The following NAALADL2 variants were observed in gnomAD, a reference collection of about 807,000 sequenced individuals.
The protein encoded by NAALADL2 is inactive N-acetylated-alpha-linked acidic dipeptidase-like protein 2.
Under a neutral mutation model 87.2 loss-of-function variants are expected in NAALADL2, and 76 were observed. That is an observed-to-expected ratio of 0.87 (90% CI 0.72 to 1.05). The LOEUF is 1.05. Ranked by LOEUF, NAALADL2 falls within the 50% of genes least tolerant of loss-of-function variation. The pLI, the probability that NAALADL2 is intolerant of heterozygous loss-of-function variation, is 0.00. For missense variants in NAALADL2, 1,089 were observed against 945.8 expected (o/e 1.15, Z -1.99); for synonymous variants, 354 against 331.0 (o/e 1.07, Z -0.75).
rs141359862 is a variant in NAALADL2 at position 175,464,328 on chromosome 3, A to G, written c.1327+835A>G. Among the ~76,000 whole-genome samples, 109 of 151,852 alleles carry G rather than the reference A, an allele frequency of 7.2e-4. 4 individuals are homozygous for G. The highest frequency in any genetic ancestry group is 1.8e-3 in the African/African-American group (74 of 41,428). On this transcript the variant is annotated intron_variant, in intron 7 of 13. Transcript: ENST00000454872. Reference sequence around the variant, plus strand: ...ACCTGCAGCTACTCAGGAGGCTGAGACAGGAGAATCGCTTGAATCTGGGAG... The same window carrying G: ...ACCTGCAGCTACTCAGGAGGCTGAGGCAGGAGAATCGCTTGAATCTGGGAG...
intron 2 of NAALADL2, among the ~76,000 whole-genome samples, chr3:174,647,332 C>T (rs1723895611): frequency 6.6e-6 from 1 of 152,118 alleles, no homozygotes; most frequent in Non-Finnish European, 1.5e-5. Context: ...GTTATAAAAT[C>T]AGATGCCTGC....
intron 1 of NAALADL2, among the ~76,000 whole-genome samples, chr3:174,468,129 T>C (rs1482999446): frequency 6.6e-6 from 1 of 152,154 alleles, no homozygotes; most frequent in Non-Finnish European, 1.5e-5. Context: ...GATTAACTTA[T>C]CAGGTAGGCG....
At chr3:175,728,763 C>A (rs1199591925) in intron 11 of NAALADL2, among the ~76,000 whole-genome samples, 1 of 152,116 alleles carries the variant, frequency 6.6e-6, no homozygotes, top group Non-Finnish European at 1.5e-5. Context: ...GTGGAGCAGA[C>A]TCCCTGCAGA....
At chr3:175,442,884 G>T (rs760213065) in intron 5 of NAALADL2, among the ~76,000 whole-genome samples, 1 of 152,122 alleles carries the variant, frequency 6.6e-6, no homozygotes, top group African/African-American at 2.4e-5. Context: ...AGTCTTTTTT[G>T]TATGGTATCC....
At chr3:175,052,429 A>G (rs892712601) in intron 1 of NAALADL2, among the ~76,000 whole-genome samples, 7 of 152,322 alleles carry the variant, frequency 4.6e-5, no homozygotes, top group African/African-American at 1.7e-4. Flanking sequence ...TTGCAAAGTG[A>G]TAAAAGCAAA....
intron 2 of NAALADL2, among the ~76,000 whole-genome samples, chr3:175,121,804 C>A (rs1389265087): frequency 6.6e-6 from 1 of 151,796 alleles, no homozygotes; most frequent in Non-Finnish European, 1.5e-5. Flanking sequence ...GTTTGGTTGA[C>A]TTTTTGATGT....
chr3:175,450,424 C>A (rs886835876), intron 6 of NAALADL2, among the ~76,000 whole-genome samples: 1 of 152,124 alleles, frequency 6.6e-6, no homozygotes, highest in Non-Finnish European at 1.5e-5. Flanking sequence ...TGGAAATGGG[C>A]ACATTAAGAA....
At chr3:174,539,507 A>T (rs999790763) in intron 1 of NAALADL2, among the ~76,000 whole-genome samples, 7 of 152,106 alleles carry the variant, frequency 4.6e-5, no homozygotes, top group African/African-American at 1.7e-4. Flanking sequence ...GCCTTTGTTA[A>T]GTTCTTCATT....
chr3:175,005,362 CT>C (rs1236792726), intron 1 of NAALADL2, among the ~76,000 whole-genome samples: 2 of 152,138 alleles, frequency 1.3e-5, no homozygotes, highest in African/African-American at 4.8e-5. Context: ...TATTTCACCC[CT>C]ATGCTGGTTT....
chr3:174,901,030 A>C (rs184968960), intron 1 of NAALADL2, among the ~76,000 whole-genome samples: 1 of 152,320 alleles, frequency 6.6e-6, no homozygotes, highest in African/African-American at 2.4e-5. Flanking sequence ...GATGTTTTCA[A>C]TTGGAATCAG....
intron 4 of NAALADL2, among the ~76,000 whole-genome samples, chr3:175,301,807 A>C (rs536627019): frequency 2.5e-4 from 38 of 152,288 alleles, no homozygotes; most frequent in African/African-American, 7.5e-4. Flanking sequence ...TTACTCAATA[A>C]TTTTGATGCT....
chr3:174,895,879 G>A (rs574277633), intron 1 of NAALADL2, among the ~76,000 whole-genome samples: 81 of 152,118 alleles, frequency 5.3e-4, no homozygotes, highest in Admixed American at 1.3e-3. Context: ...GAGATGCAAG[G>A]ATGGTTCAAC....
chr3:175,277,098 C>T (rs1023562482), intron 4 of NAALADL2, among the ~76,000 whole-genome samples: 1 of 152,168 alleles, frequency 6.6e-6, no homozygotes, highest in Admixed American at 6.5e-5. Context: ...ATTAAATTGT[C>T]AGGGTTTACT....
chr3:174,593,786 T>C (rs191136975), intron 2 of NAALADL2, among the ~76,000 whole-genome samples: 1 of 152,212 alleles, frequency 6.6e-6, no homozygotes, highest in Admixed American at 6.5e-5. Context: ...CTTTTCTGGT[T>C]TGATGGAGGG....
At chr3:174,961,967 G>A in intron 1 of NAALADL2, among the ~76,000 whole-genome samples, 1 of 145,812 alleles carries the variant, frequency 6.9e-6, no homozygotes. Flanking sequence ...GTTGGTCTGT[G>A]TAATGTGTGA....
chr3:175,474,668 C>G (rs1725397550), intron 9 of NAALADL2, among the ~76,000 whole-genome samples: 1 of 152,156 alleles, frequency 6.6e-6, no homozygotes, highest in African/African-American at 2.4e-5. Flanking sequence ...CACAGTCACG[C>G]TCTCAGCATC....
chr3:175,047,525 G>A (rs1754831786), intron 1 of NAALADL2, among the ~76,000 whole-genome samples: 1 of 152,024 alleles, frequency 6.6e-6, no homozygotes, highest in Non-Finnish European at 1.5e-5. Flanking sequence ...ATAATACTAT[G>A]TATTTTAAAA....
At chr3:175,459,164 A>G (rs905268037) in intron 6 of NAALADL2, among the ~76,000 whole-genome samples, 2 of 152,170 alleles carry the variant, frequency 1.3e-5, no homozygotes, top group African/African-American at 4.8e-5. Flanking sequence ...ACCATATTGG[A>G]ACACATGGTA....
intron 2 of NAALADL2, among the ~76,000 whole-genome samples, chr3:174,584,869 C>T (rs1210377617): frequency 2.6e-5 from 4 of 152,126 alleles, no homozygotes; most frequent in African/African-American, 9.7e-5. Flanking sequence ...ACTGCGAATG[C>T]ACTCTCTTGA....
Sources: gnomAD v4.1 joint callset for allele counts (sites outside exome capture counted in the v4.1 genomes callset) on GRCh38, gnomAD v4.1.1 for gene constraint, MANE v1.5 for transcripts, NCBI Gene and HGNC (gene_info 2026-07-23, HGNC 2026-07-21) for gene names.